Variants in BICC1 observed in about 807,000 individuals in gnomAD.
The protein encoded by BICC1 is BicC family RNA binding protein 1, also known as protein bicaudal C homolog 1.
BICC1 carries 43 observed loss-of-function variants against 111.0 expected under a neutral mutation model. The observed-to-expected ratio is 0.39, with a 90% CI of 0.30 to 0.50. BICC1 has a LOEUF of 0.50. Ranked by LOEUF, BICC1 falls within the 20% of genes least tolerant of loss-of-function variation. BICC1 has a pLI of 0.88. For synonymous variants in BICC1, 467 were observed against 434.4 expected (o/e 1.07, Z -0.93); for missense variants, 1,091 against 1,203.2 (o/e 0.91, Z 1.38).
At chr10:58,730,395 T>C (rs1841250547) in intron 3 of BICC1, among the ~76,000 whole-genome samples, 1 of 152,172 alleles carries the variant, frequency 6.6e-6, no homozygotes, top group South Asian at 2.1e-4. Flanking sequence ...GCTACTGTCA[T>C]GGGCTGGCAT....
intron 1 of BICC1, among the ~76,000 whole-genome samples, chr10:58,556,653 A>G (rs547180842): frequency 6.6e-6 from 1 of 151,934 alleles, no homozygotes; most frequent in Non-Finnish European, 1.5e-5. Flanking sequence ...TTACAATATT[A>G]TCATTATGTA....
rs1845378874 is a variant in BICC1, at chr10:58,610,416, T to C, written c.191-10439T>C. Among the ~76,000 whole-genome samples the C allele has an allele frequency of 2.0e-5, 3 of 152,176 alleles. No individual in the cohort carries two copies. In the South Asian group the frequency reaches 6.2e-4, roughly 32 times the overall value. On this transcript the variant is annotated intron_variant, in intron 1 of 20. Transcript: ENST00000373886. ...AGTGTGTGTAATCTGCAGAGTCTTA[T>C]GGAGCAGCAGTGGTCCCCACTGTTA...
At chr10:58,516,502 A>G (rs1429826680) in intron 1 of BICC1, among the ~76,000 whole-genome samples, 1 of 146,946 alleles carries the variant, frequency 6.8e-6, no homozygotes, top group African/African-American at 2.6e-5. Flanking sequence ...ATGGTTTTTT[A>G]CTGGCAGGTT....
In BICC1 at chr10:58,829,191, A is replaced by ATTTTTTTTTTTT. The variant is rs71006209; in HGVS notation, c.*320_*331dup. On this transcript the variant is annotated 3_prime_UTR_variant, in exon 21 of 21. Transcript: ENST00000373886. ...TACCTATATAACATATGCACTGATG[A>ATTTTTTTTTTTT]TTTTTTTTTTTTTTTTTTTTTTTTT... The ATTTTTTTTTTTT allele has an allele frequency of 3.5e-4, 15 of 42,408 alleles. 2 individuals carry two copies. Among genetic ancestry groups the ATTTTTTTTTTTT allele is most frequent in the African/African-American group, 1.2e-3 (10 of 8,134 alleles). 2.6% of individuals were successfully genotyped at this position (42,408 alleles called of 1,614,324 possible). A position where few individuals can be genotyped will look rare whatever the true frequency, so the allele number is the denominator to read the frequency against.
chr10:58,667,341 G>A (rs533472652), intron 2 of BICC1, among the ~76,000 whole-genome samples: 118 of 151,998 alleles, frequency 7.8e-4, no homozygotes, highest in Non-Finnish European at 1.4e-3. Flanking sequence ...TAAAGTGAAG[G>A]TATGAGGTAT....
chr10:58,581,116 A>G (rs1844269022), intron 1 of BICC1, among the ~76,000 whole-genome samples: 2 of 152,196 alleles, frequency 1.3e-5, no homozygotes, highest in Admixed American at 1.3e-4. Context: ...TATAAAGCAA[A>G]GGAAATAATA....
intron 12 of BICC1, 80 bp from the exon 13 acceptor site, chr10:58,800,114 A>G (rs538799288): frequency 1.7e-6 from 2 of 1,156,034 alleles, no homozygotes; most frequent in Non-Finnish European, 2.4e-6. Flanking sequence ...CGTGGCTGTT[A>G]TAAATGGGAT....
intron 14 of BICC1, among the ~76,000 whole-genome samples, chr10:58,801,455 G>T (rs958859087): frequency 5.3e-5 from 8 of 152,006 alleles, no homozygotes; most frequent in Non-Finnish European, 1.2e-4. Flanking sequence ...GTAGTTAATT[G>T]CAAACTTTTA....
chr10:58,673,411 A>C (rs1839240560), intron 2 of BICC1, among the ~76,000 whole-genome samples: 1 of 152,100 alleles, frequency 6.6e-6, no homozygotes, highest in East Asian at 1.9e-4. Context: ...CCTTAGGCTT[A>C]ATTGGACTCA....
chr10:58,757,915 A>T (rs1010148844), intron 3 of BICC1, among the ~76,000 whole-genome samples: 4 of 152,168 alleles, frequency 2.6e-5, no homozygotes, highest in Non-Finnish European at 5.9e-5. Flanking sequence ...AGTCAGCAAC[A>T]CTGTGAAGAA....
chr10:58,684,420 C>T (rs1450405370), intron 2 of BICC1, among the ~76,000 whole-genome samples: 1 of 152,090 alleles, frequency 6.6e-6, no homozygotes, highest in Non-Finnish European at 1.5e-5. Flanking sequence ...CCCTCTTTTT[C>T]TTTTGATTGG....
intron 1 of BICC1, among the ~76,000 whole-genome samples, chr10:58,559,340 T>A (rs923187890): frequency 6.8e-6 from 1 of 147,562 alleles, no homozygotes; most frequent in Non-Finnish European, 1.5e-5. Flanking sequence ...GGCATTTGTG[T>A]TTTTTTTTTG....
At chr10:58,767,041 C>T (rs1236465962) in intron 3 of BICC1, among the ~76,000 whole-genome samples, 3 of 152,190 alleles carry the variant, frequency 2.0e-5, no homozygotes, top group Non-Finnish European at 2.9e-5. Flanking sequence ...ATTAGGAGGC[C>T]TGCCCATGAG....
chr10:58,665,003 T>G (rs921939063), intron 2 of BICC1, among the ~76,000 whole-genome samples: 1 of 152,154 alleles, frequency 6.6e-6, no homozygotes, highest in African/African-American at 2.4e-5. Context: ...GTTTTCTGTG[T>G]TCCTGATCTA....
At chr10:58,546,788 C>A (rs67362351) in intron 1 of BICC1, among the ~76,000 whole-genome samples, 55,984 of 151,990 alleles carry the variant, frequency 0.37, 10,616 homozygotes, top group East Asian at 0.48. Flanking sequence ...AGAAAAAAAT[C>A]AATATTAAAG....
intron 2 of BICC1, among the ~76,000 whole-genome samples, chr10:58,662,897 A>G (rs1181857304): frequency 5.9e-5 from 9 of 152,192 alleles, no homozygotes; most frequent in Admixed American, 3.9e-4. Context: ...TTTCTGAAAA[A>G]GAGAACTCTT....
intron 2 of BICC1, among the ~76,000 whole-genome samples, chr10:58,699,415 T>G (rs554994773): frequency 2.0e-5 from 3 of 152,370 alleles, no homozygotes; most frequent in South Asian, 4.1e-4. Context: ...GCATATTATT[T>G]TCTGTCATGG....
At chr10:58,567,380 CAG>C (rs1843800948) in intron 1 of BICC1, among the ~76,000 whole-genome samples, 1 of 151,722 alleles carries the variant, frequency 6.6e-6, no homozygotes, top group African/African-American at 2.4e-5. Context: ...AAAGAAAAGA[CAG>C]TGATTTGTCA....
At chr10:58,662,089 C>T (rs1838862610) in intron 2 of BICC1, among the ~76,000 whole-genome samples, 1 of 152,102 alleles carries the variant, frequency 6.6e-6, no homozygotes, top group African/African-American at 2.4e-5. Context: ...CGTGCAGTTC[C>T]ATTCTCTTAG....
Sources: allele counts gnomAD v4.1 joint callset (sites outside exome capture counted in the v4.1 genomes callset), GRCh38; gene constraint gnomAD v4.1.1; transcripts MANE v1.5; gene names NCBI Gene and HGNC (gene_info 2026-07-23, HGNC 2026-07-21).